CEBPA: variants seen among roughly 807,000 people sequenced by gnomAD.
CEBPA encodes the protein CCAAT enhancer binding protein alpha, also known as CCAAT/enhancer-binding protein alpha.
In CEBPA, 2 loss-of-function variants were observed where a neutral mutation model predicts 5.1. The observed-to-expected ratio is 0.39, with a 90% CI of 0.16 to 1.23. The LOEUF (loss-of-function observed/expected upper bound fraction) is 1.23, where lower values mean the gene tolerates loss of function less well. Among genes scored for constraint, CEBPA ranks in the 50% most tolerant of loss-of-function variants. The probability of loss-of-function intolerance (pLI) is 0.34; values close to 1 mark genes in which losing one functional copy is unlikely to be tolerated. For missense variants in CEBPA, 455 were observed against 537.4 expected (o/e 0.85, Z 1.52); for synonymous variants, 275 against 264.1 (o/e 1.04, Z -0.40).
rs1309134754 is a variant in CEBPA at position 33,302,026 on chromosome 19, C to A, written c.389G>T (p.Gly130Val). Residue 130 changes from glycine (G) to valine (V), a missense_variant, in exon 1 of 1, where the codon GGC (glycine) becomes GTC (valine). Gly to Val is a moderately radical substitution (Grantham distance 109). Around this residue, in one of 5 missense-constraint regions of CEBPA, gnomAD observed 141 missense variants for 124.1 expected, o/e 1.14. Coordinates refer to ENST00000498907, the MANE Select transcript of CEBPA (RefSeq NM_004364.5). ...GTAGCCGGCGGCCGCGCAGCCGTAGCCGGGCGGGGGCCCGTGCGCTCCCCC... is the reference window on the plus strand; with the variant it reads ...GTAGCCGGCGGCCGCGCAGCCGTAGACGGGCGGGGGCCCGTGCGCTCCCCC... ...MPGGAHGPPPGYGCAAAGYLD... is the reference protein window; with the variant it reads ...MPGGAHGPPPVYGCAAAGYLD... 6 of 1,180,466 alleles carry A rather than the reference C, an allele frequency of 5.1e-6. No individual in the cohort carries two copies. Among genetic ancestry groups the A allele is most frequent in the Non-Finnish European group, 2.1e-6 (2 of 953,250 alleles). The allele number at this position is 1,180,466 out of a possible 1,614,324, so 73.1% of individuals were successfully genotyped here.
In CEBPA at chr19:33,300,122, C is replaced by T. The variant is rs549827431; in HGVS notation, c.*1216G>A. ...CTGGGGGACAAGCCTTGTGGGCAGC[C>T]CAGGCCGGAGGGGCTGGGGAAAGCT... On this transcript the variant is annotated 3_prime_UTR_variant, in exon 1 of 1. Transcript: ENST00000498907. 6.9e-5 allele frequency: 16 copies of T among 233,354 alleles called. No individual in the cohort carries two copies. The highest frequency in any genetic ancestry group is 3.3e-4 in the African/African-American group (15 of 45,450). The allele number at this position is 233,354 out of a possible 1,614,324, so 14.5% of individuals were successfully genotyped here.
At position 33,301,625 on chromosome 19, in the gene CEBPA, G is replaced by A. The variant is rs1228704709; in HGVS notation, c.790C>T (p.Arg264Cys). ...CCCGCGCCGCTGCCGCCACTCGCGC[G>A]GAGGTCGGGGTGCGCGGCGCCCAGC... ...KGLGAAHPDL[R>C]ASGGSGAGKA... The change falls in exon 1 of 1, where the codon CGC (arginine) becomes TGC (cysteine). Residue 264 changes from arginine (R) to cysteine (C), a missense_variant. Around this residue, in one of 5 missense-constraint regions of CEBPA, gnomAD observed 118 missense variants for 189.3 expected, o/e 0.62. Transcript: ENST00000498907. The surrounding 1 kb of genome is among the most constrained non-coding windows in gnomAD (Gnocchi z 6.0). 4 of 1,581,968 alleles carry A rather than the reference G, an allele frequency of 2.5e-6. No homozygotes were observed. Among genetic ancestry groups the A allele is most frequent in the East Asian group, 2.3e-5 (1 of 43,060 alleles).
At position 33,302,010 on chromosome 19, in the gene CEBPA, G is replaced by A; in HGVS notation, c.405C>T (p.Ala135=). 1.7e-6 allele frequency: 2 copies of A among 1,182,336 alleles called. No homozygotes were observed. The highest frequency in any genetic ancestry group is 3.4e-4 in the Middle Eastern group (1 of 2,906). 73.2% of individuals were successfully genotyped at this position (1,182,336 alleles called of 1,614,324 possible). Reference sequence around the variant, plus strand: ...CCAGCCTGCCGTCCAGGTAGCCGGCGGCCGCGCAGCCGTAGCCGGGCGGGG... The same window carrying A: ...CCAGCCTGCCGTCCAGGTAGCCGGCAGCCGCGCAGCCGTAGCCGGGCGGGG... ...HGPPPGYGCA[A]AGYLDGRLEP... The change falls in exon 1 of 1, where the codon GCC becomes GCT. Residue 135 remains alanine, a synonymous_variant. Coordinates refer to ENST00000498907, the MANE Select transcript of CEBPA (RefSeq NM_004364.5).
In CEBPA at chr19:33,301,270, G is replaced by A. The variant is rs1243232434; in HGVS notation, c.*68C>T. 2 of 1,502,050 alleles carry A rather than the reference G, an allele frequency of 1.3e-6. No homozygotes were observed. Among genetic ancestry groups the A allele is most frequent in the Non-Finnish European group, 1.8e-6 (2 of 1,128,424 alleles). The allele number at this position is 1,502,050 out of a possible 1,614,324, so 93.0% of individuals were successfully genotyped here. On this transcript the variant is annotated 3_prime_UTR_variant, in exon 1 of 1. Coordinates refer to ENST00000498907, the MANE Select transcript of CEBPA (RefSeq NM_004364.5). This position sits in a 1 kb window ranked among gnomAD's most constrained non-coding sequence, Gnocchi z 6.0. ...ACGGCTCGGGCAAGCCTCGAGATCC[G>A]GCGACCCCAAACCACTCCCTGGGTC...
rs1060502122 is a variant in CEBPA at position 33,301,355 on chromosome 19, T to C, written c.1060A>G (p.Met354Val). Residue 354 changes from methionine to valine, a missense_variant, in exon 1 of 1, where the codon ATG becomes GTG. By Grantham distance (21) the Met-to-Val change is conservative. This residue lies in a region of CEBPA where 38 missense variants were observed against 30.3 expected (regional missense o/e 1.25). Transcript: ENST00000498907. This position sits in a 1 kb window ranked among gnomAD's most constrained non-coding sequence, Gnocchi z 6.0. ...QLPESSLVKA[M>V]GNCA The stretch of plus-strand genomic sequence containing the variant: ...CGCGCGCCTCACGCGCAGTTGCCCA[T>C]GGCCTTGACCAAGGAGCTCTCTGGC... 3.7e-6 allele frequency: 6 copies of C among 1,602,028 alleles called. No individual in the cohort carries two copies. The highest frequency in any genetic ancestry group is 1.1e-5 in the South Asian group (1 of 90,540).
Position 33,299,958 on chromosome 19 carries a change from AGATAT to A in CEBPA, c.*1375_*1379del, listed in dbSNP as rs1329400960. The A allele has an allele frequency of 8.6e-6, 2 of 232,736 alleles. No homozygotes were observed. Among genetic ancestry groups the A allele is most frequent in the African/African-American group, 4.4e-5 (2 of 45,296 alleles). 14.4% of individuals were successfully genotyped at this position (232,736 alleles called of 1,614,324 possible). On this transcript the variant is annotated 3_prime_UTR_variant, in exon 1 of 1. Transcript: ENST00000498907. Reference sequence around the variant, plus strand: ...ATTGACTTTGATATGTTTATATTATAGATATAATACATAAAACATCTAGAGTGAGA... The same window carrying A: ...ATTGACTTTGATATGTTTATATTATAAATACATAAAACATCTAGAGTGAGA...
At position 33,301,563 on chromosome 19, in the gene CEBPA, C is replaced by T. The variant is rs376856647; in HGVS notation, c.852G>A (p.Glu284=). Residue 284 remains glutamate, a synonymous_variant, in exon 1 of 1, where the codon GAG becomes GAA. Coordinates refer to ENST00000498907, the MANE Select transcript of CEBPA (RefSeq NM_004364.5). The surrounding 1 kb of genome is among the most constrained non-coding windows in gnomAD (Gnocchi z 6.0). The part of the protein sequence containing the change: ...AKKSVDKNSN[E]YRVRRERNNI... Reference sequence around the variant, plus strand: ...TGTTGCGCTCGCGCCGCACCCGGTACTCGTTGCTGTTCTTGTCCACCGACT... The same window carrying T: ...TGTTGCGCTCGCGCCGCACCCGGTATTCGTTGCTGTTCTTGTCCACCGACT... 2 of 1,612,826 alleles carry T rather than the reference C, an allele frequency of 1.2e-6. No individual in the cohort carries two copies. The highest frequency in any genetic ancestry group is 1.7e-6 in the Non-Finnish European group (2 of 1,179,690).
In CEBPA at chr19:33,301,901, G is replaced by A. The variant is rs2145261692; in HGVS notation, c.514C>T (p.Gln172Ter). 7.6e-7 allele frequency: 1 copy of A among 1,316,940 alleles called. No homozygotes were observed. The highest frequency in any genetic ancestry group is 1.9e-5 in the South Asian group (1 of 53,522). 81.6% of individuals were successfully genotyped at this position (1,316,940 alleles called of 1,614,324 possible). A position where few individuals can be genotyped will look rare whatever the true frequency, so the allele number is the denominator to read the frequency against. The change falls in exon 1 of 1, where the codon CAG becomes TAG. Residue 172 changes from glutamine to a stop codon, truncating the protein, a stop_gained. Transcript: ENST00000498907. LOFTEE classifies it low-confidence loss of function (END_TRUNC). This position sits in a 1 kb window ranked among gnomAD's most constrained non-coding sequence, Gnocchi z 6.0. Reference sequence around the variant, plus strand: ...GGGAAGAGGCCGGCCAGCGCCAGCTGCTTGGCTTCATCCTCCTCGCGGGGC... The same window carrying A: ...GGGAAGAGGCCGGCCAGCGCCAGCTACTTGGCTTCATCCTCCTCGCGGGGC... The part of the protein sequence containing the change: ...QEPREEDEAK[Q>*]LALAGLFPYQ...
rs778040955 is a variant in CEBPA, at chr19:33,301,330, C to A, written c.*8G>T. On this transcript the variant is annotated 3_prime_UTR_variant, in exon 1 of 1. Transcript: ENST00000498907. The surrounding 1 kb of genome is among the most constrained non-coding windows in gnomAD (Gnocchi z 6.0). ...GGCTGGCCCAGGGCGGTCCCACAGCCGCGCGCCTCACGCGCAGTTGCCCAT... is the reference window on the plus strand; with the variant it reads ...GGCTGGCCCAGGGCGGTCCCACAGCAGCGCGCCTCACGCGCAGTTGCCCAT... The A allele has an allele frequency of 1.3e-6, 2 of 1,585,664 alleles. No individual in the cohort carries two copies. The highest frequency in any genetic ancestry group is 1.7e-4 in the Middle Eastern group (1 of 6,032).
chr19:33,301,837 T>TGCGGGTGCGAGGGCG lies in CEBPA; in HGVS notation c.563_577dup (p.Pro188_Pro192dup). On this transcript the variant is annotated inframe_insertion, in exon 1 of 1. Transcript: ENST00000498907. The surrounding 1 kb of genome is among the most constrained non-coding windows in gnomAD (Gnocchi z 6.0). ...CAGGTGCGCGGGCGGCGGGTGCGGGTGCGGGTGCGAGGGCGGCGGCGGCGG... is the reference window on the plus strand; with the variant it reads ...CAGGTGCGCGGGCGGCGGGTGCGGGTGCGGGTGCGAGGGCGGCGGGTGCGAGGGCGGCGGCGGCGG... 7.7e-7 allele frequency: 1 copy of TGCGGGTGCGAGGGCG among 1,290,480 alleles called. No homozygotes were observed. 79.9% of individuals were successfully genotyped at this position (1,290,480 alleles called of 1,614,324 possible).
In CEBPA at chr19:33,301,879, A is replaced by G. The variant is rs2145261564; in HGVS notation, c.536T>C (p.Phe179Ser). 7 of 1,301,248 alleles carry G rather than the reference A, an allele frequency of 5.4e-6. No individual in the cohort carries two copies. The highest frequency in any genetic ancestry group is 6.9e-6 in the Non-Finnish European group (7 of 1,018,034). The allele number at this position is 1,301,248 out of a possible 1,614,324, so 80.6% of individuals were successfully genotyped here. Residue 179 changes from phenylalanine to serine, a missense_variant, in exon 1 of 1, where the codon TTC becomes TCC. Coordinates refer to ENST00000498907, the MANE Select transcript of CEBPA (RefSeq NM_004364.5). The surrounding 1 kb of genome is among the most constrained non-coding windows in gnomAD (Gnocchi z 6.0). ...EAKQLALAGL[F>S]PYQPPPPPPP... ...CGGCGGCGGCGGCGGCTGGTAAGGG[A>G]AGAGGCCGGCCAGCGCCAGCTGCTT...
chr19:33,301,556 C>G lies in CEBPA; in HGVS notation c.859G>C (p.Val287Leu), dbSNP rs2145259628. 6.2e-7 allele frequency: 1 copy of G among 1,613,076 alleles called. No individual in the cohort carries two copies. Among genetic ancestry groups the G allele is most frequent in the African/African-American group, 1.3e-5 (1 of 75,038 alleles). ...SVDKNSNEYR[V>L]RRERNNIAVR... ...GCGATGTTGTTGCGCTCGCGCCGCA[C>G]CCGGTACTCGTTGCTGTTCTTGTCC... Residue 287 changes from valine (V) to leucine (L), a missense_variant, in exon 1 of 1, where the codon GTG becomes CTG. Physicochemically the swap from Val to Leu is conservative, Grantham distance 32. Coordinates refer to ENST00000498907, the MANE Select transcript of CEBPA (RefSeq NM_004364.5). This position sits in a 1 kb window ranked among gnomAD's most constrained non-coding sequence, Gnocchi z 6.0.
Position 33,301,959 on chromosome 19 carries a change from C to A in CEBPA, c.456G>T (p.Ala152=). The A allele has an allele frequency of 8.0e-7, 1 of 1,243,114 alleles. No individual in the cohort carries two copies. Among genetic ancestry groups the A allele is most frequent in the Non-Finnish European group, 1.0e-6 (1 of 991,554 alleles). The allele number at this position is 1,243,114 out of a possible 1,614,324, so 77.0% of individuals were successfully genotyped here. The change falls in exon 1 of 1, where the codon GCG becomes GCT. Residue 152 remains alanine (A), a synonymous_variant. Transcript: ENST00000498907. This position sits in a 1 kb window ranked among gnomAD's most constrained non-coding sequence, Gnocchi z 6.0. ...TGATCACCAGCGGCCGCAGCGCCGG[C>A]GCCCCGACGCGCTCGTACAGGGGCT... ...RLEPLYERVG[A]PALRPLVIKQ...
chr19:33,301,201 G>A lies in CEBPA; in HGVS notation c.*137C>T, dbSNP rs1281370806. 1 of 1,379,054 alleles carries A rather than the reference G, an allele frequency of 7.3e-7. No homozygotes were observed. The highest frequency in any genetic ancestry group is 1.5e-5 in the African/African-American group (1 of 68,816). 85.4% of individuals were successfully genotyped at this position (1,379,054 alleles called of 1,614,324 possible). ...GGAAGGGAGGGGACACGCGGAGCAG[G>A]CCAGGCTTTCAGGAGGCACCGGAAT... On this transcript the variant is annotated 3_prime_UTR_variant, in exon 1 of 1. Transcript: ENST00000498907. The surrounding 1 kb of genome is among the most constrained non-coding windows in gnomAD (Gnocchi z 6.0).
chr19:33,301,193 C>T lies in CEBPA; in HGVS notation c.*145G>A, dbSNP rs187751931. The T allele has an allele frequency of 7.5e-7, 1 of 1,341,644 alleles. No homozygotes were observed. Among genetic ancestry groups the T allele is most frequent in the Non-Finnish European group, 9.9e-7 (1 of 1,013,176 alleles). The allele number at this position is 1,341,644 out of a possible 1,614,324, so 83.1% of individuals were successfully genotyped here. A position where few individuals can be genotyped will look rare whatever the true frequency, so the allele number is the denominator to read the frequency against. Reference sequence around the variant, plus strand: ...GGCGCAGAGGAAGGGAGGGGACACGCGGAGCAGGCCAGGCTTTCAGGAGGC... The same window carrying T: ...GGCGCAGAGGAAGGGAGGGGACACGTGGAGCAGGCCAGGCTTTCAGGAGGC... On this transcript the variant is annotated 3_prime_UTR_variant, in exon 1 of 1. Transcript: ENST00000498907. The surrounding 1 kb of genome is among the most constrained non-coding windows in gnomAD (Gnocchi z 6.0).
Position 33,301,006 on chromosome 19 carries a change from C to T in CEBPA, c.*332G>A. Reference sequence around the variant, plus strand: ...ATAAAATGACAAGGCACGATTTGCTCCCCCTACTCAGTAGGCATTGGAGCG... The same window carrying T: ...ATAAAATGACAAGGCACGATTTGCTTCCCCTACTCAGTAGGCATTGGAGCG... On this transcript the variant is annotated 3_prime_UTR_variant, in exon 1 of 1. Coordinates refer to ENST00000498907, the MANE Select transcript of CEBPA (RefSeq NM_004364.5). The surrounding 1 kb of genome is among the most constrained non-coding windows in gnomAD (Gnocchi z 6.0). The T allele has an allele frequency of 2.5e-6, 1 of 400,144 alleles. No homozygotes were observed. The highest frequency in any genetic ancestry group is 4.6e-6 in the Non-Finnish European group (1 of 218,156). 24.8% of individuals were successfully genotyped at this position (400,144 alleles called of 1,614,324 possible).
chr19:33,301,190 A>T lies in CEBPA; in HGVS notation c.*148T>A. The T allele has an allele frequency of 7.5e-7, 1 of 1,325,946 alleles. No homozygotes were observed. Among genetic ancestry groups the T allele is most frequent in the Non-Finnish European group, 1.0e-6 (1 of 998,792 alleles). The allele number at this position is 1,325,946 out of a possible 1,614,324, so 82.1% of individuals were successfully genotyped here. A position where few individuals can be genotyped will look rare whatever the true frequency, so the allele number is the denominator to read the frequency against. On this transcript the variant is annotated 3_prime_UTR_variant, in exon 1 of 1. Transcript: ENST00000498907. The surrounding 1 kb of genome is among the most constrained non-coding windows in gnomAD (Gnocchi z 6.0). ...TCCGGCGCAGAGGAAGGGAGGGGAC[A>T]CGCGGAGCAGGCCAGGCTTTCAGGA...
At position 33,300,940 on chromosome 19, in the gene CEBPA, G is replaced by C. The variant is rs571299327; in HGVS notation, c.*398C>G. The C allele has an allele frequency of 4.1e-4, 120 of 295,520 alleles. 2 individuals are homozygous for C. Among genetic ancestry groups the C allele is most frequent in the South Asian group, 3.5e-3 (46 of 13,312 alleles). 18.3% of individuals were successfully genotyped at this position (295,520 alleles called of 1,614,324 possible). The stretch of plus-strand genomic sequence containing the variant: ...GCCTGCTCCCCTCCTTCTCTCATGG[G>C]GGTCTGCTGTAGCCTCGGGAAGGAG... On this transcript the variant is annotated 3_prime_UTR_variant, in exon 1 of 1. Coordinates refer to ENST00000498907, the MANE Select transcript of CEBPA (RefSeq NM_004364.5).
rs867113214 is a variant in CEBPA, at chr19:33,302,352, G to T, written c.63C>A (p.Ser21Arg). 28 of 1,340,604 alleles carry T rather than the reference G, an allele frequency of 2.1e-5. No homozygotes were observed. The highest frequency in any genetic ancestry group is 8.2e-5 in the Admixed American group (2 of 24,342). 83.0% of individuals were successfully genotyped at this position (1,340,604 alleles called of 1,614,324 possible). A position where few individuals can be genotyped will look rare whatever the true frequency, so the allele number is the denominator to read the frequency against. The part of the protein sequence containing the change: ...PRPPMSSHLQ[S>R]PPHAPSSAAF... The stretch of plus-strand genomic sequence containing the variant: ...CGGCGCTGCTGGGCGCGTGCGGGGG[G>T]CTCTGCAGGTGGCTGCTCATCGGGG... Residue 21 changes from serine to arginine, a missense_variant, in exon 1 of 1, where the codon AGC (serine) becomes AGA (arginine). Transcript: ENST00000498907.
Sources: allele counts gnomAD v4.1 joint callset, GRCh38; gene constraint gnomAD v4.1.1; regional missense constraint gnomAD v4.1.1; non-coding constraint Gnocchi (gnomAD v3.1); transcripts MANE v1.5; gene names NCBI Gene and HGNC (gene_info 2026-07-23, HGNC 2026-07-21).